ATF7IP: variants seen among roughly 807,000 people sequenced by gnomAD.
ATF7IP encodes activating transcription factor 7-interacting protein 1.
In ATF7IP, 23 loss-of-function variants were observed where a neutral mutation model predicts 106.4. That is an observed-to-expected ratio of 0.22 (90% CI 0.16 to 0.31). The LOEUF is 0.31. Among genes scored for constraint, ATF7IP ranks in the 10% least tolerant of loss-of-function variants. The probability of loss-of-function intolerance (pLI) is 1.00; values close to 1 mark genes in which losing one functional copy is unlikely to be tolerated. For missense variants in ATF7IP, 1,334 were observed against 1,524.3 expected (o/e 0.88, Z 2.08); for synonymous variants, 542 against 539.0 (o/e 1.01, Z -0.08).
chr12:14,441,938 A>C (rs559673654), intron 5 of ATF7IP, among the ~76,000 whole-genome samples: 3 of 152,358 alleles, frequency 2.0e-5, no homozygotes, highest in African/African-American at 7.2e-5. Flanking sequence ...ATGAAGTCTT[A>C]CAGATGGTAT....
chr12:14,494,284 A>AAT (rs747194414), intron 13 of ATF7IP, among the ~76,000 whole-genome samples: 782 of 53,490 alleles, frequency 0.015, 6 homozygotes, highest in Middle Eastern at 0.044. Flanking sequence ...GAGCTAATAG[A>AAT]ATATATATAT....
intron 12 of ATF7IP, among the ~76,000 whole-genome samples, chr12:14,478,832 T>TA (rs1944344216): frequency 6.6e-6 from 1 of 152,202 alleles, no homozygotes; most frequent in South Asian, 2.1e-4. Context: ...GTTTCATGAA[T>TA]ACAAAGTTCC....
At position 14,424,548 on chromosome 12, in the gene ATF7IP, A is replaced by C. The variant is rs1941734746; in HGVS notation, c.633A>C (p.Pro211=). 2 of 1,614,042 alleles carry C rather than the reference A, an allele frequency of 1.2e-6. No homozygotes were observed. Among genetic ancestry groups the C allele is most frequent in the African/African-American group, 1.3e-5 (1 of 74,900 alleles). The part of the protein sequence containing the change: ...SGDPTSSDPI[P]GEPVPVEPIS... Reference sequence around the variant, plus strand: ...ATCCCACCTCTAGTGATCCCATCCCAGGTGAACCGGTCCCTGTTGAACCCA... The same window carrying C: ...ATCCCACCTCTAGTGATCCCATCCCCGGTGAACCGGTCCCTGTTGAACCCA... Residue 211 remains proline, a synonymous_variant, in exon 2 of 15, where the codon CCA becomes CCC. Coordinates refer to ENST00000261168, the MANE Select transcript of ATF7IP (RefSeq NM_018179.5).
intron 1 of ATF7IP, among the ~76,000 whole-genome samples, chr12:14,381,867 G>GTTTTTTTTTTT (rs55929147): frequency 6.7e-6 from 1 of 148,370 alleles, no homozygotes; most frequent in Non-Finnish European, 1.5e-5. Context: ...ATTAATTCTA[G>GTTTTTTTTTTT]TTTTTTTTTT....
intron 3 of ATF7IP, among the ~76,000 whole-genome samples, chr12:14,434,781 C>T (rs1460576659): frequency 6.6e-6 from 1 of 152,128 alleles, no homozygotes; most frequent in African/African-American, 2.4e-5. Context: ...TTTTAGTTCA[C>T]TTAAGGTTCT....
At chr12:14,428,156 T>C (rs1012434088) in intron 2 of ATF7IP, among the ~76,000 whole-genome samples, 1 of 152,116 alleles carries the variant, frequency 6.6e-6, no homozygotes, top group Non-Finnish European at 1.5e-5. Context: ...AAAAAGTCTG[T>C]ATAAGAAAGT....
rs111524041 is a variant in ATF7IP, at chr12:14,399,340, GT to G, written c.-7-24559del. Among the ~76,000 whole-genome samples, 726 of 147,234 alleles carry G rather than the reference GT, an allele frequency of 4.9e-3. 3 individuals are homozygous for G. The highest frequency in any genetic ancestry group is 0.015 in the East Asian group (78 of 5,068). On this transcript the variant is annotated intron_variant, in intron 1 of 14. Coordinates refer to ENST00000261168, the MANE Select transcript of ATF7IP (RefSeq NM_018179.5). ...TTTTCCCATGAATTTTGAGGATATT[GT>G]TTTTTTTTTAGCTTTCAGTATTGCT...
chr12:14,382,298 G>C (rs1041583103), intron 1 of ATF7IP, among the ~76,000 whole-genome samples: 2 of 152,186 alleles, frequency 1.3e-5, no homozygotes, highest in Non-Finnish European at 2.9e-5. Flanking sequence ...GAAATTGGTT[G>C]CAAGTGTTTA....
chr12:14,382,933 T>G (rs755077002), intron 1 of ATF7IP, among the ~76,000 whole-genome samples: 24 of 152,176 alleles, frequency 1.6e-4, no homozygotes, highest in Non-Finnish European at 3.1e-4. Context: ...GTAATATAGG[T>G]TGAATCATGT....
chr12:14,488,726 A>G (rs1483553191), intron 13 of ATF7IP, among the ~76,000 whole-genome samples: 1 of 152,194 alleles, frequency 6.6e-6, no homozygotes, highest in East Asian at 1.9e-4. Flanking sequence ...GAGGGTAATA[A>G]GGCCATACTT....
chr12:14,417,805 T>C (rs1473815349), intron 1 of ATF7IP, among the ~76,000 whole-genome samples: 1 of 152,232 alleles, frequency 6.6e-6, no homozygotes, highest in Admixed American at 6.5e-5. Context: ...AGAACCACAC[T>C]TAAGTATTGC....
intron 9 of ATF7IP, among the ~76,000 whole-genome samples, chr12:14,465,669 C>T (rs940720883): frequency 6.6e-6 from 1 of 151,878 alleles, no homozygotes; most frequent in African/African-American, 2.4e-5. Flanking sequence ...AATATTAACC[C>T]AACTTGATTT....
chr12:14,473,733 C>T (rs1211171515), intron 10 of ATF7IP, among the ~76,000 whole-genome samples: 2 of 151,098 alleles, frequency 1.3e-5, no homozygotes, highest in African/African-American at 2.4e-5. Flanking sequence ...TTTTTAGTAT[C>T]TAAAAAATGT....
intron 6 of ATF7IP, among the ~76,000 whole-genome samples, chr12:14,451,723 T>C (rs1943210391): frequency 6.6e-6 from 1 of 152,160 alleles, no homozygotes; most frequent in South Asian, 2.1e-4. Flanking sequence ...TCAGAAAAGA[T>C]ACTTGGTATG....
chr12:14,483,456 G>A (rs1210984119), intron 13 of ATF7IP, among the ~76,000 whole-genome samples: 2 of 152,102 alleles, frequency 1.3e-5, no homozygotes, highest in South Asian at 2.1e-4. Flanking sequence ...AGCCCAAAGT[G>A]TCCAGGTGGC....
intron 1 of ATF7IP, among the ~76,000 whole-genome samples, chr12:14,389,619 GTTTGTTT>G: frequency 6.6e-6 from 1 of 152,140 alleles, no homozygotes; most frequent in South Asian, 2.1e-4. Flanking sequence ...TTCTCTAATT[GTTTGTTT>G]TTTGTTTTTT....
intron 1 of ATF7IP, among the ~76,000 whole-genome samples, chr12:14,407,418 G>C (rs1940654583): frequency 6.7e-6 from 1 of 149,978 alleles, no homozygotes; most frequent in Non-Finnish European, 1.5e-5. Context: ...TTTTGGTTTG[G>C]TTTGGTTTGG....
Position 14,424,026 on chromosome 12 carries a change from G to A in ATF7IP, c.111G>A (p.Leu37=), listed in dbSNP as rs755155457. ...TGTACAAGGTCAAAGAAGAACTGTT[G>A]AAAACTGATGTCAAGCTGTTAAATG... The part of the protein sequence containing the change: ...EAVYKVKEEL[L]KTDVKLLNGN... Residue 37 remains leucine, a synonymous_variant, in exon 2 of 15, where the codon TTG becomes TTA. Coordinates refer to ENST00000261168, the MANE Select transcript of ATF7IP (RefSeq NM_018179.5). 6.2e-7 allele frequency: 1 copy of A among 1,614,156 alleles called. No individual in the cohort carries two copies. Among genetic ancestry groups the A allele is most frequent in the Non-Finnish European group, 8.5e-7 (1 of 1,180,014 alleles).
At chr12:14,452,294 T>G (rs796668196) in intron 6 of ATF7IP, among the ~76,000 whole-genome samples, 7 of 152,316 alleles carry the variant, frequency 4.6e-5, no homozygotes, top group African/African-American at 1.4e-4. Context: ...TAAAAAACAT[T>G]AAGTCAACCT....
Sources: allele counts gnomAD v4.1 joint callset (sites outside exome capture counted in the v4.1 genomes callset), GRCh38; gene constraint gnomAD v4.1.1; transcripts MANE v1.5; gene names NCBI Gene and HGNC (gene_info 2026-07-23, HGNC 2026-07-21).